Variants in PTPRS observed in about 807,000 individuals in gnomAD.
PTPRS encodes the protein receptor-type tyrosine-protein phosphatase S.
Under a neutral mutation model 215.3 loss-of-function variants are expected in PTPRS, and 63 were observed. The observed-to-expected ratio is 0.29, with a 90% CI of 0.24 to 0.36. The LOEUF (loss-of-function observed/expected upper bound fraction) is 0.36, where lower values mean the gene tolerates loss of function less well. PTPRS is among the 10% of genes least tolerant of loss of function. The pLI is 1.00. For missense variants in PTPRS, 2,258 were observed against 2,825.8 expected, an observed-to-expected ratio of 0.80 and a Z score of 4.56; for synonymous variants, 1,404 against 1,191.4, an observed-to-expected ratio of 1.18 and a Z score of -3.68.
chr19:5,229,560 G>A lies in PTPRS; in HGVS notation c.2280C>T (p.Tyr760=), dbSNP rs994742330. ...GGGCCTCGGCGCCCTCCATGCGCAC[G>A]TAGTGGACCTGGTAGCCGCGGATCT... is the stretch of plus-strand genomic sequence containing the variant. ...HGQIRGYQVH[Y]VRMEGAEARG... is the part of the protein sequence containing the mutation. The change falls in exon 15 of 38, where the codon TAC becomes TAT. Residue 760 remains tyrosine, a synonymous_variant. Coordinates refer to ENST00000262963, the MANE Select transcript of PTPRS (RefSeq NM_002850.4). The A allele has an allele frequency of 2.7e-6, 4 of 1,460,312 alleles. No individual in the cohort carries two copies. The highest frequency in any genetic ancestry group is 1.5e-5 in the African/African-American group (1 of 67,506). The allele number at this position is 1,460,312 out of a possible 1,614,324, so 90.5% of individuals were successfully genotyped here. A position where few individuals can be genotyped will look rare whatever the true frequency, so the allele number is the denominator to read the frequency against.
Position 5,222,479 on chromosome 19 carries a change from G to C in PTPRS, c.3103+210C>G, listed in dbSNP as rs541828421. Among the ~76,000 whole-genome samples the C allele has an allele frequency of 2.0e-5, 3 of 151,626 alleles. No homozygotes were observed. The East Asian group carries it at 5.9e-4, about 30-fold the overall frequency. The stretch of plus-strand genomic sequence containing the variant: ...GGAGGAAGAGGGGGGAGGGGAGCAA[G>C]GGGAGGGGGCAGTGGTGGGGGGCGG... On this transcript the variant is annotated intron_variant, in intron 18 of 37. Coordinates refer to ENST00000262963, the MANE Select transcript of PTPRS (RefSeq NM_002850.4).
intron 1 of PTPRS, among the ~76,000 whole-genome samples, chr19:5,330,644 G>A (rs907774270): frequency 1.3e-5 from 2 of 152,164 alleles, no homozygotes; most frequent in Non-Finnish European, 2.9e-5. Context: ...GGCAAGACTC[G>A]TCCCCATTTC....
rs573229239 is a variant in PTPRS, at chr19:5,275,399, T to C, written c.92-1055A>G. 5.1e-4 allele frequency among the ~76,000 whole-genome samples: 77 copies of C among 151,640 alleles called. 1 individual carries two copies. The highest frequency in any genetic ancestry group is 1.6e-3 in the African/African-American group (68 of 41,352). On this transcript the variant is annotated intron_variant, in intron 2 of 37. Coordinates refer to ENST00000262963, the MANE Select transcript of PTPRS (RefSeq NM_002850.4). ...TTTCTTTTTCTTTTCTTTTTTTTTTTCCTGAGAGATAGGGATTCACTCTGT... is the reference window on the plus strand; with the variant it reads ...TTTCTTTTTCTTTTCTTTTTTTTTTCCCTGAGAGATAGGGATTCACTCTGT...
chr19:5,208,246 A>C lies in PTPRS; in HGVS notation c.5633T>G (p.Val1878Gly), dbSNP rs761054434. 4 of 1,601,192 alleles carry C rather than the reference A, an allele frequency of 2.5e-6. No individual in the cohort carries two copies. Among genetic ancestry groups the C allele is most frequent in the Non-Finnish European group, 3.4e-6 (4 of 1,173,294 alleles). ...EQFGQDGPIS[V>G]HCSAGVGRTG... ...ACTCGAGGGAGCTCACCTGCAGTGGACAGAGATGGGGCCGTCCTGGCCAAA... is the reference window on the plus strand; with the variant it reads ...ACTCGAGGGAGCTCACCTGCAGTGGCCAGAGATGGGGCCGTCCTGGCCAAA... Residue 1878 changes from valine to glycine, a missense_variant, in exon 36 of 38, where the codon GTC (valine) becomes GGC (glycine). By Grantham distance (109) the Val-to-Gly change is moderately radical (BLOSUM62 -3). Coordinates refer to ENST00000262963, the MANE Select transcript of PTPRS (RefSeq NM_002850.4).
In PTPRS at chr19:5,206,828, G is replaced by C. The variant is rs1366905912; in HGVS notation, c.5793C>G (p.Phe1931Leu). Residue 1931 changes from phenylalanine (F) to leucine (L), a missense_variant, in exon 38 of 38, where the codon TTC (phenylalanine) becomes TTG (leucine). By Grantham distance (22) the Phe-to-Leu change is conservative (BLOSUM62 0). Around this residue, in one of 6 missense-constraint regions of PTPRS, gnomAD observed 89 missense variants for 104.0 expected, o/e 0.86. Coordinates refer to ENST00000262963, the MANE Select transcript of PTPRS (RefSeq NM_002850.4). ...AMVQTEDEYQ[F>L]CYQAALEYLG... ...GGTACTCCAGTGCCGCCTGGTAACA[G>C]AACTGGTACTCATCCTGGGGGAGCA... 3.1e-6 allele frequency: 5 copies of C among 1,614,132 alleles called. No homozygotes were observed. The highest frequency in any genetic ancestry group is 4.2e-6 in the Non-Finnish European group (5 of 1,179,982).
intron 13 of PTPRS, among the ~76,000 whole-genome samples, chr19:5,234,493 A>G (rs2043271011): frequency 6.6e-6 from 1 of 152,190 alleles, no homozygotes; most frequent in South Asian, 2.1e-4. Flanking sequence ...GCACCACACT[A>G]CATCTACTAC....
At chr19:5,266,937 G>C (rs2046444604) in intron 4 of PTPRS, among the ~76,000 whole-genome samples, 1 of 152,042 alleles carries the variant, frequency 6.6e-6, no homozygotes, top group Admixed American at 6.6e-5. Context: ...CAACTCCCTT[G>C]CTCTAAATGC....
chr19:5,206,777 G>A lies in PTPRS; in HGVS notation c.5844C>T (p.Thr1948=), dbSNP rs1247090296. 1 of 1,613,886 alleles carries A rather than the reference G, an allele frequency of 6.2e-7. No homozygotes were observed. The highest frequency in any genetic ancestry group is 1.1e-5 in the South Asian group (1 of 91,078). ...GGGCCTGGGGGGAACCATGGCTTTA[G>A]GTTGCATAGTGGTCAAAGCTTCCGA... is the stretch of plus-strand genomic sequence containing the variant. The part of the protein sequence containing the change: ...EYLGSFDHYA[T] Residue 1948 remains threonine, a synonymous_variant, in exon 38 of 38, where the codon ACC becomes ACT. Coordinates refer to ENST00000262963, the MANE Select transcript of PTPRS (RefSeq NM_002850.4).
chr19:5,309,438 G>A (rs762597936), intron 1 of PTPRS, among the ~76,000 whole-genome samples: 28 of 152,230 alleles, frequency 1.8e-4, no homozygotes, highest in Middle Eastern at 3.4e-3. Flanking sequence ...ATCTCAGATG[G>A]GGAAACTGAG....
intron 28 of PTPRS, 36 bp downstream of exon 28, chr19:5,215,253 G>A (rs971032142): frequency 5.6e-6 from 9 of 1,610,044 alleles, no homozygotes; most frequent in Middle Eastern, 1.6e-4. Context: ...CATGCAGTGG[G>A]GAAGGGCAGG....
In PTPRS at chr19:5,313,909, C is replaced by G. The variant is rs7253272; in HGVS notation, c.-95+26755G>C. Reference sequence around the variant, plus strand: ...CCCAGCAGTTCAAGACCAGCCTGGGCAACACAGCAAGACTCTCTCTCTCTC... The same window carrying G: ...CCCAGCAGTTCAAGACCAGCCTGGGGAACACAGCAAGACTCTCTCTCTCTC... On this transcript the variant is annotated intron_variant, in intron 1 of 37. Transcript: ENST00000262963. 4.8e-3 allele frequency among the ~76,000 whole-genome samples: 732 copies of G among 151,404 alleles called. 6 individuals are homozygous for G. The highest frequency in any genetic ancestry group is 0.017 in the African/African-American group (717 of 41,222).
chr19:5,220,315 C>G lies in PTPRS; in HGVS notation c.3494G>C (p.Arg1165Pro), dbSNP rs1034131598. 2 of 1,614,012 alleles carry G rather than the reference C, an allele frequency of 1.2e-6. No homozygotes were observed. The highest frequency in any genetic ancestry group is 2.7e-5 in the African/African-American group (2 of 75,040). The change falls in exon 21 of 38, where the codon CGT (arginine) becomes CCT (proline). Residue 1165 changes from arginine to proline, a missense_variant. Coordinates refer to ENST00000262963, the MANE Select transcript of PTPRS (RefSeq NM_002850.4). Reference protein sequence around the residue: ...FIVMVPLRKSRGGQFLTPLGS... With the variant: ...FIVMVPLRKSPGGQFLTPLGS... ...CAGCGGGGTCAGGAATTGGCCTCCA[C>G]GAGACTTGCGCAGTGGCACCATCAC... is the stretch of plus-strand genomic sequence containing the variant.
At chr19:5,290,813 C>T (rs539925146) in intron 1 of PTPRS, among the ~76,000 whole-genome samples, 2 of 151,938 alleles carry the variant, frequency 1.3e-5, no homozygotes, top group South Asian at 2.1e-4. Context: ...ATCCACCCCC[C>T]ACCCACAGCT....
At position 5,212,028 on chromosome 19, in the gene PTPRS, G is replaced by A; in HGVS notation, c.4992C>T (p.Tyr1664=). The A allele has an allele frequency of 1.9e-6, 3 of 1,613,872 alleles. No individual in the cohort carries two copies. Among genetic ancestry groups the A allele is most frequent in the Non-Finnish European group, 1.7e-6 (2 of 1,180,028 alleles). ...TEVPARSLYA[Y]IQKLAQVEPG... Reference sequence around the variant, plus strand: ...GCTCCACCTGGGCCAGCTTCTGGATGTAGGCATAGAGGCTGCGTGCGGGCA... The same window carrying A: ...GCTCCACCTGGGCCAGCTTCTGGATATAGGCATAGAGGCTGCGTGCGGGCA... Residue 1664 remains tyrosine (Y), a synonymous_variant, in exon 32 of 38, where the codon TAC becomes TAT. Coordinates refer to ENST00000262963, the MANE Select transcript of PTPRS (RefSeq NM_002850.4).
intron 1 of PTPRS, among the ~76,000 whole-genome samples, chr19:5,324,705 G>C (rs2159089): frequency 6.6e-6 from 1 of 151,832 alleles, no homozygotes; most frequent in Non-Finnish European, 1.5e-5. Context: ...TCTGAGCCTC[G>C]GTTTCCTTAT....
chr19:5,306,019 T>C (rs2049481454), intron 1 of PTPRS, among the ~76,000 whole-genome samples: 1 of 138,648 alleles, frequency 7.2e-6, no homozygotes, highest in Non-Finnish European at 1.5e-5. Flanking sequence ...GCACAATAGG[T>C]ACAAATACTT....
chr19:5,261,566 G>A (rs971001393), intron 6 of PTPRS, among the ~76,000 whole-genome samples: 14 of 152,216 alleles, frequency 9.2e-5, no homozygotes, highest in Admixed American at 9.2e-4. Flanking sequence ...GCTGCTGATG[G>A]CCGATAACTT....
At chr19:5,216,499 A>ACACACACATACACAC (rs1427643043) in intron 26 of PTPRS, among the ~76,000 whole-genome samples, 2 of 151,830 alleles carry the variant, frequency 1.3e-5, no homozygotes, top group African/African-American at 4.8e-5. Context: ...CACATCCCTG[A>ACACACACATACACAC]CACACACATA....
chr19:5,225,217 T>C (rs2239363), intron 17 of PTPRS, among the ~76,000 whole-genome samples: 50,218 of 151,188 alleles, frequency 0.33, 9,949 homozygotes, highest in East Asian at 0.6. Flanking sequence ...CCTGGTGCAG[T>C]AGGGGAAGAC....
Sources: allele counts gnomAD v4.1 joint callset (sites outside exome capture counted in the v4.1 genomes callset), GRCh38; gene constraint gnomAD v4.1.1; regional missense constraint gnomAD v4.1.1; transcripts MANE v1.5; gene names NCBI Gene and HGNC (gene_info 2026-07-23, HGNC 2026-07-21).